The following FRMD3 variants were observed in gnomAD, a reference collection of about 807,000 sequenced individuals.
FRMD3 encodes the protein FERM domain-containing protein 3.
Under a neutral mutation model 70.2 loss-of-function variants are expected in FRMD3, and 33 were observed. The observed-to-expected ratio is 0.47, with a 90% CI of 0.36 to 0.63. The LOEUF is 0.63. Ranked by LOEUF, FRMD3 falls within the 20% of genes least tolerant of loss-of-function variation. The pLI is 0.00. For synonymous variants in FRMD3, 279 were observed against 255.9 expected (o/e 1.09, Z -0.86); for missense variants, 632 against 711.4 (o/e 0.89, Z 1.27).
chr9:83,348,223 G>A (rs1025770262), intron 4 of FRMD3, among the ~76,000 whole-genome samples: 6 of 152,056 alleles, frequency 3.9e-5, no homozygotes, highest in East Asian at 3.9e-4. Context: ...AAAATAGCTC[G>A]CTCGCTCTCT....
chr9:83,251,561 G>A lies in FRMD3; in HGVS notation c.1196-3045C>T, dbSNP rs184748085. ...TAGGCTTCAGAAGGTGGGTAATAACGAACATCACTGAGCTAAAGGAGTATG... is the reference window on the plus strand; with the variant it reads ...TAGGCTTCAGAAGGTGGGTAATAACAAACATCACTGAGCTAAAGGAGTATG... On this transcript the variant is annotated intron_variant, in intron 13 of 13. Transcript: ENST00000304195. Among the ~76,000 whole-genome samples, 27 of 152,216 alleles carry A rather than the reference G, an allele frequency of 1.8e-4. No individual in the cohort carries two copies. The East Asian group carries it at 2.9e-3, about 16-fold the overall frequency.
At chr9:83,311,296 A>G (rs1246124845) in intron 8 of FRMD3, among the ~76,000 whole-genome samples, 1 of 152,042 alleles carries the variant, frequency 6.6e-6, no homozygotes, top group Admixed American at 6.6e-5. Context: ...AGAAAAAAAA[A>G]AAAAAAAACA....
Position 83,538,146 on chromosome 9 carries a change from C to A in FRMD3, c.86G>T (p.Ser29Ile), listed in dbSNP as rs757927598. 1.2e-6 allele frequency: 2 copies of A among 1,613,606 alleles called. No homozygotes were observed. The highest frequency in any genetic ancestry group is 2.2e-5 in the South Asian group (2 of 90,948). ...CCGGATGGTGCATCTCATCTCCTGG[C>A]TGAGCGATTTGACGCTGGAGCTCCG... is the stretch of plus-strand genomic sequence containing the variant. ...HFRSSSVKSL[S>I]QEMRCTIRLL... Residue 29 changes from serine (S) to isoleucine (I), a missense_variant, in exon 1 of 14, where the codon AGC (serine) becomes ATC (isoleucine). Transcript: ENST00000304195. The surrounding 1 kb of genome is among the most constrained non-coding windows in gnomAD (Gnocchi z 4.7).
intron 6 of FRMD3, among the ~76,000 whole-genome samples, chr9:83,315,053 T>G (rs1835511541): frequency 6.9e-6 from 1 of 145,032 alleles, no homozygotes; most frequent in Admixed American, 6.8e-5. Flanking sequence ...CATTGATATG[T>G]TTTTTTTTTA....
At chr9:83,293,131 T>C (rs1348616317) in intron 12 of FRMD3, among the ~76,000 whole-genome samples, 1 of 152,038 alleles carries the variant, frequency 6.6e-6, no homozygotes, top group Non-Finnish European at 1.5e-5. Context: ...CAGTGCTTTC[T>C]ACAGGGAAAG....
chr9:83,334,249 T>C (rs1823500636), intron 6 of FRMD3, among the ~76,000 whole-genome samples: 1 of 152,180 alleles, frequency 6.6e-6, no homozygotes, highest in South Asian at 2.1e-4. Flanking sequence ...AACAAGGCTT[T>C]TCATTAGGAG....
chr9:83,446,836 G>T (rs1167568360), intron 1 of FRMD3, among the ~76,000 whole-genome samples: 1 of 152,214 alleles, frequency 6.6e-6, no homozygotes, highest in South Asian at 2.1e-4. Context: ...AGTATGGGGT[G>T]CTAAATTTAC....
rs1322630013 is a variant in FRMD3 at position 83,268,550 on chromosome 9, C to T, written c.1196-20034G>A. 2.6e-5 allele frequency among the ~76,000 whole-genome samples: 4 copies of T among 152,276 alleles called. No individual in the cohort carries two copies. In the East Asian group the frequency reaches 7.7e-4, roughly 29 times the overall value. ...TACATGTGATGAAATATTGCACAGA[C>T]ATTAAAATTCATGTTTAGAAGAATT... is the stretch of plus-strand genomic sequence containing the variant. On this transcript the variant is annotated intron_variant, in intron 13 of 13. Coordinates refer to ENST00000304195, the MANE Select transcript of FRMD3 (RefSeq NM_174938.6).
At chr9:83,401,306 C>T (rs889811638) in intron 1 of FRMD3, among the ~76,000 whole-genome samples, 6 of 152,282 alleles carry the variant, frequency 3.9e-5, no homozygotes, top group South Asian at 2.1e-4. Flanking sequence ...AATTATTAAC[C>T]GTTAGCGAGC....
chr9:83,315,965 T>C (rs950421582), intron 6 of FRMD3, among the ~76,000 whole-genome samples: 1 of 152,112 alleles, frequency 6.6e-6, no homozygotes, highest in Non-Finnish European at 1.5e-5. Flanking sequence ...CCAGAACCAC[T>C]GCTATTCTAA....
At chr9:83,283,400 G>A (rs35272332) in intron 13 of FRMD3, among the ~76,000 whole-genome samples, 20,374 of 151,794 alleles carry the variant, frequency 0.13, 1,539 homozygotes, top group East Asian at 0.17. Context: ...GCGTGGTGGC[G>A]GGTGACTGTA....
Position 83,245,506 on chromosome 9 carries a change from C to G in FRMD3, c.*2412G>C. ...TTCTATTCAACAATGAAGTTTCCAC[C>G]TAAGAGAAAAGAGATGTTAGCTGGA... On this transcript the variant is annotated 3_prime_UTR_variant, in exon 14 of 14. Transcript: ENST00000304195. 2.0e-6 allele frequency: 2 copies of G among 981,502 alleles called. No homozygotes were observed. Among genetic ancestry groups the G allele is most frequent in the Non-Finnish European group, 2.4e-6 (2 of 826,514 alleles). The allele number at this position is 981,502 out of a possible 1,614,324, so 60.8% of individuals were successfully genotyped here.
At chr9:83,342,528 T>C (rs546688711) in intron 5 of FRMD3, among the ~76,000 whole-genome samples, 17 of 152,214 alleles carry the variant, frequency 1.1e-4, no homozygotes, top group African/African-American at 3.9e-4. Context: ...ATCCAGGAAA[T>C]GGGAAGAAAG....
chr9:83,533,847 T>C (rs1297799001), intron 1 of FRMD3, among the ~76,000 whole-genome samples: 1 of 152,064 alleles, frequency 6.6e-6, no homozygotes, highest in Admixed American at 6.6e-5. Context: ...AAATACAAAT[T>C]TTCAGCCAAT....
At position 83,264,939 on chromosome 9, in the gene FRMD3, T is replaced by A. The variant is rs141128131; in HGVS notation, c.1196-16423A>T. On this transcript the variant is annotated intron_variant, in intron 13 of 13. Coordinates refer to ENST00000304195, the MANE Select transcript of FRMD3 (RefSeq NM_174938.6). ...GCCAATTTTGAAGGTCATAAGCAGT[T>A]ATTATCAGCAATTTCATAGAGTTCA... 3.3e-4 allele frequency among the ~76,000 whole-genome samples: 50 copies of A among 152,242 alleles called. No homozygotes were observed. In the East Asian group the frequency reaches 6.9e-3, roughly 21 times the overall value.
chr9:83,482,323 C>A (rs145769156), intron 1 of FRMD3, among the ~76,000 whole-genome samples: 8 of 152,310 alleles, frequency 5.3e-5, no homozygotes, highest in African/African-American at 1.9e-4. Flanking sequence ...GTTTTTCTTT[C>A]TTGAAGACAT....
intron 1 of FRMD3, among the ~76,000 whole-genome samples, chr9:83,410,741 G>A (rs1826255697): frequency 6.6e-6 from 1 of 152,190 alleles, no homozygotes; most frequent in African/African-American, 2.4e-5. Context: ...TTCTACCGCA[G>A]CTGAACTAAT....
At chr9:83,544,200 T>TGTGGCCTAAAGATA in the FRMD3 span, among the ~76,000 whole-genome samples, 122,518 of 152,018 alleles carry the variant, frequency 0.81, 49,781 homozygotes, top group Admixed American at 0.86. Context: ...TCAGCTACAT[T>TGTGGCCTAAAGATA]GAAGTGTCTG....
downstream of FRMD3, among the ~76,000 whole-genome samples, chr9:83,243,829 T>TTAAC (rs777551408): frequency 6.6e-6 from 1 of 152,104 alleles, no homozygotes; most frequent in East Asian, 1.9e-4. Flanking sequence ...ACCTTTTGGT[T>TTAAC]TAACTGTTAG....
Sources: allele counts gnomAD v4.1 joint callset (sites outside exome capture counted in the v4.1 genomes callset), GRCh38; gene constraint gnomAD v4.1.1; non-coding constraint Gnocchi (gnomAD v3.1); transcripts MANE v1.5; gene names NCBI Gene and HGNC (gene_info 2026-07-23, HGNC 2026-07-21).